Variants in ZRANB3 observed in about 807,000 individuals in gnomAD.
ZRANB3 encodes zinc finger RANBP2-type containing 3.
In ZRANB3, 125 loss-of-function variants were observed where a neutral mutation model predicts 133.8. The ratio of observed to expected loss-of-function variants is 0.93; its 90% CI spans 0.81 to 1.08. The LOEUF (loss-of-function observed/expected upper bound fraction) is 1.08. Ranked by LOEUF, ZRANB3 falls within the 50% of genes least tolerant of loss-of-function variation. The probability of loss-of-function intolerance (pLI) is 0.00; values close to 1 mark genes in which losing one functional copy is unlikely to be tolerated. For missense variants in ZRANB3, 1,229 were observed against 1,275.5 expected, an observed-to-expected ratio of 0.96 and a Z score of 0.56; for synonymous variants, 387 against 432.7, an observed-to-expected ratio of 0.89 and a Z score of 1.31.
rs750365952 is a variant in ZRANB3, at chr2:135,208,991, T to C, written c.2496-13A>G. ...TTTGGTTATGTATCTAAAACAATGATATGTTAAATAGATTCCCTCTATCTC... is the reference window on the plus strand; with the variant it reads ...TTTGGTTATGTATCTAAAACAATGACATGTTAAATAGATTCCCTCTATCTC... On this transcript the variant is annotated splice_polypyrimidine_tract_variant and intron_variant, in intron 17 of 20. Coordinates refer to ENST00000264159, the MANE Select transcript of ZRANB3 (RefSeq NM_032143.4). 6.2e-7 allele frequency: 1 copy of C among 1,605,746 alleles called. No homozygotes were observed.
At chr2:135,273,777 T>C (rs1031236546) in intron 9 of ZRANB3, among the ~76,000 whole-genome samples, 3 of 152,142 alleles carry the variant, frequency 2.0e-5, no homozygotes, top group African/African-American at 7.2e-5. Flanking sequence ...CCTCAGATGA[T>C]CTGCCCGCCT....
chr2:135,504,307 G>A (rs748809598), intron 2 of ZRANB3, 22 bp downstream of exon 2: 1 of 1,611,748 alleles, frequency 6.2e-7, no homozygotes, highest in Non-Finnish European at 8.5e-7. Context: ...AACATTTTTA[G>A]CATGTCTTCA....
Position 135,237,414 on chromosome 2 carries a change from T to C in ZRANB3, c.1540-6487A>G, listed in dbSNP as rs201797111. Among the ~76,000 whole-genome samples the C allele has an allele frequency of 5.0e-4, 76 of 151,938 alleles. 1 individual carries two copies. The East Asian group carries it at 0.013, about 27-fold the overall frequency. On this transcript the variant is annotated intron_variant, in intron 12 of 20. Coordinates refer to ENST00000264159, the MANE Select transcript of ZRANB3 (RefSeq NM_032143.4). ...CTCAGGGATGTAGAACTAGAAATAC[T>C]ATTTGACCCAGCCATCCCATTACTG...
chr2:135,486,419 T>C (rs1427779831), intron 2 of ZRANB3, among the ~76,000 whole-genome samples: 3 of 152,228 alleles, frequency 2.0e-5, no homozygotes, highest in Non-Finnish European at 4.4e-5. Context: ...CAAGTTTTAA[T>C]GCAAGATTGC....
chr2:135,319,055 A>G (rs2104831428), intron 6 of ZRANB3, among the ~76,000 whole-genome samples: 1 of 152,370 alleles, frequency 6.6e-6, no homozygotes, highest in South Asian at 2.1e-4. Flanking sequence ...TGGGGTGTAT[A>G]CAGAGTTGAG....
intron 6 of ZRANB3, among the ~76,000 whole-genome samples, chr2:135,323,129 T>C (rs1207183612): frequency 2.6e-5 from 4 of 152,216 alleles, no homozygotes; most frequent in Admixed American, 1.3e-4. Flanking sequence ...AGTTTAACTT[T>C]ATAAACAATT....
intron 8 of ZRANB3, among the ~76,000 whole-genome samples, chr2:135,287,704 G>A (rs1681454458): frequency 9.2e-6 from 1 of 108,238 alleles, no homozygotes; most frequent in Non-Finnish European, 1.7e-5. Context: ...TATTATAAAA[G>A]AGCTTGAGTT....
chr2:135,355,171 GCTC>G, intron 3 of ZRANB3: 1 of 940,800 alleles, frequency 1.1e-6, no homozygotes, highest in Non-Finnish European at 1.3e-6. Flanking sequence ...TCTTTTAACT[GCTC>G]CTGTTAACAA....
rs945221466 is a variant in ZRANB3, at chr2:135,407,744, T to C, written c.162-16924A>G. On this transcript the variant is annotated intron_variant, in intron 2 of 20. Transcript: ENST00000264159. ...GGGAAAGGATTCCCTATTTAATAAATGGTGCTGGGAAAACTGGCTAGCCAT... is the reference window on the plus strand; with the variant it reads ...GGGAAAGGATTCCCTATTTAATAAACGGTGCTGGGAAAACTGGCTAGCCAT... 9.3e-5 allele frequency among the ~76,000 whole-genome samples: 14 copies of C among 151,128 alleles called. 1 individual carries two copies. Among genetic ancestry groups the C allele is most frequent in the Admixed American group, 2.6e-4 (4 of 15,178 alleles).
At chr2:135,500,369 A>G (rs1692881254) in intron 2 of ZRANB3, among the ~76,000 whole-genome samples, 1 of 152,212 alleles carries the variant, frequency 6.6e-6, no homozygotes, top group Admixed American at 6.5e-5. Context: ...CAAACTAGAA[A>G]TAACCCAAAT....
At chr2:135,449,732 T>C (rs1303986187) in intron 2 of ZRANB3, among the ~76,000 whole-genome samples, 1 of 152,224 alleles carries the variant, frequency 6.6e-6, no homozygotes, top group African/African-American at 2.4e-5. Context: ...CATATAACTA[T>C]TTAATAAGTA....
intron 11 of ZRANB3, among the ~76,000 whole-genome samples, chr2:135,267,638 A>G (rs1247558086): frequency 3.3e-5 from 5 of 152,204 alleles, no homozygotes; most frequent in African/African-American, 1.2e-4. Flanking sequence ...GCTTAATGAG[A>G]AAAGGTTTAA....
chr2:135,308,457 T>C (rs1285634037), intron 8 of ZRANB3, among the ~76,000 whole-genome samples: 1 of 152,166 alleles, frequency 6.6e-6, no homozygotes, highest in Non-Finnish European at 1.5e-5. Context: ...ATGGATATGC[T>C]CTCAGGACTC....
rs113373729 is a variant in ZRANB3 at position 135,222,072 on chromosome 2, GT to G, written c.2250+2353del. On this transcript the variant is annotated intron_variant, in intron 15 of 20. Coordinates refer to ENST00000264159, the MANE Select transcript of ZRANB3 (RefSeq NM_032143.4). ...ATATAATGGACCATGAGTTTTAAAA[GT>G]TTCAAATACTATCTTATATACTTAT... Among the ~76,000 whole-genome samples, 453 of 152,212 alleles carry G rather than the reference GT, an allele frequency of 3.0e-3. 3 individuals are homozygous for G. Among genetic ancestry groups the G allele is most frequent in the African/African-American group, 0.01 (422 of 41,554 alleles).
At chr2:135,517,176 C>T (rs1693735404) in intron 1 of ZRANB3, among the ~76,000 whole-genome samples, 1 of 152,020 alleles carries the variant, frequency 6.6e-6, no homozygotes, top group Non-Finnish European at 1.5e-5. Flanking sequence ...ATTCCTCTAA[C>T]CTTTTTTCGA....
intron 1 of ZRANB3, among the ~76,000 whole-genome samples, chr2:135,525,889 A>G (rs1246932860): frequency 6.6e-6 from 1 of 151,520 alleles, no homozygotes; most frequent in African/African-American, 2.4e-5. Flanking sequence ...CATGCTCTGC[A>G]CAGATGAACC....
intron 20 of ZRANB3, among the ~76,000 whole-genome samples, chr2:135,201,617 A>T (rs1693629522): frequency 6.6e-6 from 1 of 151,298 alleles, no homozygotes; most frequent in Admixed American, 6.6e-5. Context: ...TCATGCTGAG[A>T]TCACACCATC....
At chr2:135,228,262 C>A in intron 13 of ZRANB3, 5 of 275,514 alleles carry the variant, frequency 1.8e-5, no homozygotes, top group South Asian at 7.3e-5. Flanking sequence ...ATAAAATTAA[C>A]AAATAGGTAA....
chr2:135,228,073 A>T, intron 13 of ZRANB3, 58 bp from the exon 14 acceptor site: 1 of 1,360,386 alleles, frequency 7.4e-7, no homozygotes, highest in Non-Finnish European at 1.0e-6. Flanking sequence ...AGTAAAGTAA[A>T]AAGAATGTAA....
Sources: gnomAD v4.1 joint callset for allele counts (sites outside exome capture counted in the v4.1 genomes callset) on GRCh38, gnomAD v4.1.1 for gene constraint, MANE v1.5 for transcripts, NCBI Gene and HGNC (gene_info 2026-07-23, HGNC 2026-07-21) for gene names.